Variants in TBL3 observed in about 807,000 individuals in gnomAD.
TBL3 encodes the protein transducin beta-like protein 3.
TBL3 carries 71 observed loss-of-function variants against 102.7 expected under a neutral mutation model. The observed-to-expected ratio is 0.69, with a 90% CI of 0.57 to 0.84. TBL3 has a LOEUF of 0.84. TBL3 is among the 40% of genes least tolerant of loss of function. The pLI, the probability that TBL3 is intolerant of heterozygous loss-of-function variation, is 0.00. For missense variants in TBL3, 1,188 were observed against 1,098.5 expected, an observed-to-expected ratio of 1.08 and a Z score of -1.15; for synonymous variants, 578 against 477.7, an observed-to-expected ratio of 1.21 and a Z score of -2.74.
At position 1,975,604 on chromosome 16, in the gene TBL3, A is replaced by G. The variant is rs1597049052; in HGVS notation, c.881A>G (p.Glu294Gly). Residue 294 changes from glutamate to glycine, a missense_variant, in exon 10 of 22, where the codon GAG becomes GGG. Glu to Gly is a moderately conservative substitution (Grantham distance 98, BLOSUM62 -2). Coordinates refer to ENST00000568546, the MANE Select transcript of TBL3 (RefSeq NM_006453.3). ...TQAQPPGPGQ[E>G]LTHCTLAHTA... is the part of the protein sequence containing the mutation. ...GCCCAGCCGCCGGGCCCTGGGCAGGAGCTGACCCACTGCACCCTGGCACAC... is the reference window on the plus strand; with the variant it reads ...GCCCAGCCGCCGGGCCCTGGGCAGGGGCTGACCCACTGCACCCTGGCACAC... The G allele has an allele frequency of 1.9e-6, 3 of 1,601,700 alleles. No individual in the cohort carries two copies. In the African/African-American group the frequency reaches 4.0e-5, roughly 21 times the overall value.
At position 1,976,242 on chromosome 16, in the gene TBL3, A is replaced by T. The variant is rs745653251; in HGVS notation, c.1220A>T (p.Lys407Met). 51 of 1,614,064 alleles carry T rather than the reference A, an allele frequency of 3.2e-5. No homozygotes were observed. In the Admixed American group the frequency reaches 5.3e-4, roughly 17 times the overall value. Residue 407 changes from lysine (K) to methionine (M), a missense_variant, in exon 13 of 22, where the codon AAG becomes ATG. By Grantham distance (95) the Lys-to-Met change is moderately conservative. Coordinates refer to ENST00000568546, the MANE Select transcript of TBL3 (RefSeq NM_006453.3). ...DQSVRIWRMN[K>M]AGQVMCVAQG... ...AGCGTCCGTATCTGGAGAATGAACA[A>T]GGCTGGCCAGGTGATGTGCGTGGCT...
chr16:1,980,596 T>A lies in TBL3; in HGVS notation c.*1911T>A. The A allele has an allele frequency of 8.2e-6, 13 of 1,591,854 alleles. No homozygotes were observed. Among genetic ancestry groups the A allele is most frequent in the Non-Finnish European group, 1.1e-5 (13 of 1,167,734 alleles). ...GATACGCCGCTTTGGGCTTCACTGG[T>A]CCCTGGCGCCCCCAGGCAAGCCACC... On this transcript the variant is annotated 3_prime_UTR_variant, in exon 22 of 22. Transcript: ENST00000568546.
Position 1,974,192 on chromosome 16 carries a change from C to T in TBL3, c.94-5C>T. The stretch of plus-strand genomic sequence containing the variant: ...GTTGCCTGGCTGAGACCTCTCTGTC[C>T]CCAGCTGGACCAGACTGGCCAGCAC... On this transcript the variant is annotated splice_region_variant and splice_polypyrimidine_tract_variant and intron_variant, in intron 2 of 21. Transcript: ENST00000568546. The T allele has an allele frequency of 6.3e-7, 1 of 1,577,012 alleles. No homozygotes were observed. Among genetic ancestry groups the T allele is most frequent in the Non-Finnish European group, 8.6e-7 (1 of 1,158,942 alleles).
rs200191989 is a variant in TBL3, at chr16:1,974,347, C to A, written c.190-29C>A. ...AGTGGAGAGGGCAGCCCACTCACAC[C>A]GTGCTCGGCACACCACTCTTTCTCC... On this transcript the variant is annotated intron_variant, in intron 3 of 21. Coordinates refer to ENST00000568546, the MANE Select transcript of TBL3 (RefSeq NM_006453.3). The A allele has an allele frequency of 1.9e-6, 3 of 1,597,130 alleles. No individual in the cohort carries two copies. The East Asian group carries it at 6.7e-5, about 36-fold the overall frequency.
Position 1,980,901 on chromosome 16 carries a change from C to A in TBL3, c.*2216C>A, listed in dbSNP as rs2083494758. 1 of 1,576,156 alleles carries A rather than the reference C, an allele frequency of 6.3e-7. No individual in the cohort carries two copies. ...AGTGGGAGGCAGCCGCGTGGGGAAG[C>A]CGCCACCGCGGCATCAGGGTGGCCC... On this transcript the variant is annotated 3_prime_UTR_variant, in exon 22 of 22. Transcript: ENST00000568546.
Position 1,975,955 on chromosome 16 carries a change from T to C in TBL3, c.1129+6T>C. 6.2e-7 allele frequency: 1 copy of C among 1,614,074 alleles called. No homozygotes were observed. The highest frequency in any genetic ancestry group is 8.5e-7 in the Non-Finnish European group (1 of 1,179,996). ...GATCCTCCACGGCCACACGGGTGAGTGGGGCCAGCCCACCTGACACCCTGG... is the reference window on the plus strand; with the variant it reads ...GATCCTCCACGGCCACACGGGTGAGCGGGGCCAGCCCACCTGACACCCTGG... On this transcript the variant is annotated splice_donor_region_variant and intron_variant, in intron 11 of 21. Transcript: ENST00000568546.
rs1175206053 is a variant in TBL3 at position 1,981,586 on chromosome 16, T to A, written c.*2901T>A. 1 of 196,020 alleles carries A rather than the reference T, an allele frequency of 5.1e-6. No individual in the cohort carries two copies. Among genetic ancestry groups the A allele is most frequent in the Non-Finnish European group, 1.0e-5 (1 of 96,880 alleles). The allele number at this position is 196,020 out of a possible 1,614,324, so 12.1% of individuals were successfully genotyped here. ...CAAAGCGCCACCTGTCCTGCCCACC[T>A]CTCTGGATTCCCCTACCCTGTGAGG... On this transcript the variant is annotated 3_prime_UTR_variant, in exon 22 of 22. Transcript: ENST00000568546.
In TBL3 at chr16:1,980,264, C is replaced by A; in HGVS notation, c.*1579C>A. ...GGCGCCACCCCGGCAAGACCGCCAG[C>A]CTCCCACTCTCTGCCCCTATTCGCT... On this transcript the variant is annotated 3_prime_UTR_variant, in exon 22 of 22. Transcript: ENST00000568546. The A allele has an allele frequency of 6.6e-7, 1 of 1,517,322 alleles. No individual in the cohort carries two copies. The highest frequency in any genetic ancestry group is 8.8e-7 in the Non-Finnish European group (1 of 1,130,266). 94.0% of individuals were successfully genotyped at this position (1,517,322 alleles called of 1,614,324 possible).
At chr16:1,976,413 T>C (rs916158008) in intron 13 of TBL3, 99 bp downstream of exon 13, 1 of 1,076,392 alleles carries the variant, frequency 9.3e-7, no homozygotes, top group African/African-American at 1.6e-5. Context: ...AGTGGCAGCT[T>C]TGGCTTGCTC....
chr16:1,980,919 G>T lies in TBL3; in HGVS notation c.*2234G>T, dbSNP rs766699049. The T allele has an allele frequency of 6.2e-7, 1 of 1,607,516 alleles. No individual in the cohort carries two copies. The highest frequency in any genetic ancestry group is 2.2e-5 in the East Asian group (1 of 44,820). On this transcript the variant is annotated 3_prime_UTR_variant, in exon 22 of 22. Transcript: ENST00000568546. The stretch of plus-strand genomic sequence containing the variant: ...GGGGAAGCCGCCACCGCGGCATCAG[G>T]GTGGCCCAGGGTCACTCACCTTGAG...
chr16:1,975,093 G>C lies in TBL3; in HGVS notation c.630G>C (p.Met210Ile), dbSNP rs2083389473. ...SLAFSADGHT[M>I]LSSGRDKICI... ...CCTTCAGCGCCGACGGCCACACCAT[G>C]CTCAGGTCAGCAGTGGGCCCTGGTA... The change falls in exon 7 of 22, where the codon ATG becomes ATC. Residue 210 changes from methionine to isoleucine, a missense_variant. Transcript: ENST00000568546. 1.2e-6 allele frequency: 2 copies of C among 1,611,366 alleles called. No individual in the cohort carries two copies. Among genetic ancestry groups the C allele is most frequent in the Non-Finnish European group, 1.7e-6 (2 of 1,179,992 alleles).
At chr16:1,976,747 G>T (rs1161752499) in intron 13 of TBL3, 67 bp from the exon 14 acceptor site, 1 of 1,592,560 alleles carries the variant, frequency 6.3e-7, no homozygotes, top group African/African-American at 1.3e-5. Context: ...GCCTGGCCCT[G>T]TGGGGAGCTG....
In TBL3 at chr16:1,975,173, C is replaced by G. The variant is rs555336372; in HGVS notation, c.636-14C>G. The stretch of plus-strand genomic sequence containing the variant: ...AGGCTAAGACTTGACCTGAGGTTGC[C>G]GTTGCTCCTTCAGCTCCGGCCGTGA... On this transcript the variant is annotated splice_polypyrimidine_tract_variant and intron_variant, in intron 7 of 21. Transcript: ENST00000568546. 1.2e-6 allele frequency: 2 copies of G among 1,613,724 alleles called. No individual in the cohort carries two copies. Among genetic ancestry groups the G allele is most frequent in the Non-Finnish European group, 1.7e-6 (2 of 1,180,026 alleles).
chr16:1,972,685 G>T (rs938480823), intron 1 of TBL3, among the ~76,000 whole-genome samples: 1 of 152,246 alleles, frequency 6.6e-6, no homozygotes, highest in Admixed American at 6.5e-5. Flanking sequence ...CCAAGCCTTT[G>T]CCGAACAGCA....
rs745546901 is a variant in TBL3 at position 1,982,353 on chromosome 16, C to T, written c.*3668C>T. 6 of 152,170 alleles carry T rather than the reference C, an allele frequency of 3.9e-5. No individual in the cohort carries two copies. The highest frequency in any genetic ancestry group is 7.4e-5 in the Non-Finnish European group (5 of 68,024). The allele number at this position is 152,170 out of a possible 1,614,324, so 9.4% of individuals were successfully genotyped here. On this transcript the variant is annotated 3_prime_UTR_variant, in exon 22 of 22. Coordinates refer to ENST00000568546, the MANE Select transcript of TBL3 (RefSeq NM_006453.3). Reference sequence around the variant, plus strand: ...CCCCCAGCCAGCTGTCACCTTCTCCCTGTCTCAGCTGAGGGCCCAGCTGAC... The same window carrying T: ...CCCCCAGCCAGCTGTCACCTTCTCCTTGTCTCAGCTGAGGGCCCAGCTGAC...
chr16:1,980,168 G>A lies in TBL3; in HGVS notation c.*1483G>A, dbSNP rs1289094051. On this transcript the variant is annotated 3_prime_UTR_variant, in exon 22 of 22. Transcript: ENST00000568546. ...GAAAGAGGCTGCTCCTCTGGGGTGG[G>A]CAGGATCACCCGGCTGGGAAGGGCA... 5.6e-6 allele frequency: 9 copies of A among 1,601,268 alleles called. No homozygotes were observed. The highest frequency in any genetic ancestry group is 7.6e-6 in the Non-Finnish European group (9 of 1,176,798).
At chr16:1,977,924 C>A (rs754852360) in intron 18 of TBL3, 34 bp from the exon 19 acceptor site, 5 of 1,587,656 alleles carry the variant, frequency 3.1e-6, no homozygotes, top group Admixed American at 1.7e-5. Context: ...CCCCAGCCAG[C>A]GGCCCTCAGT....
rs766600174 is a variant in TBL3, at chr16:1,977,467, G to A, written c.1742+41G>A. 4.4e-6 allele frequency: 7 copies of A among 1,607,702 alleles called. No homozygotes were observed. The South Asian group carries it at 7.7e-5, about 18-fold the overall frequency. On this transcript the variant is annotated intron_variant, in intron 16 of 21. Coordinates refer to ENST00000568546, the MANE Select transcript of TBL3 (RefSeq NM_006453.3). ...TGGGGCAGCGATGGAGTGGGGGGTG[G>A]CGGGGGGACCTGCCTGACGCTGAGC...
In TBL3 at chr16:1,977,587, G is replaced by A. The variant is rs1333724891; in HGVS notation, c.1816G>A (p.Asp606Asn). The change falls in exon 17 of 22, where the codon GAC (aspartate) becomes AAC (asparagine). Residue 606 changes from aspartate to asparagine, a missense_variant. Asp to Asn is a conservative substitution (Grantham distance 23). Transcript: ENST00000568546. ...TGTGCGGACGCTGGATGCCCACGAG[G>A]ACAAGGTCTGGGGGCTGCACTGCAG... is the stretch of plus-strand genomic sequence containing the variant. ...ECVRTLDAHE[D>N]KVWGLHCSRL... The A allele has an allele frequency of 3.2e-6, 5 of 1,575,238 alleles. No individual in the cohort carries two copies. Among genetic ancestry groups the A allele is most frequent in the African/African-American group, 1.4e-5 (1 of 73,854 alleles).
Sources: allele counts gnomAD v4.1 joint callset (sites outside exome capture counted in the v4.1 genomes callset), GRCh38; gene constraint gnomAD v4.1.1; transcripts MANE v1.5; gene names NCBI Gene and HGNC (gene_info 2026-07-23, HGNC 2026-07-21).